Variants in CYSLTR2 observed in about 807,000 individuals in gnomAD.
The protein encoded by CYSLTR2 is cysteinyl leukotriene receptor 2.
For synonymous variants in CYSLTR2, 179 were observed against 160.8 expected (o/e 1.11, Z -0.86); for missense variants, 398 against 411.9 (o/e 0.97, Z 0.29).
chr13:48,703,143 C>G (rs1220526222), intron 4 of CYSLTR2, among the ~76,000 whole-genome samples: 3 of 152,092 alleles, frequency 2.0e-5, no homozygotes, highest in Admixed American at 6.5e-5. Flanking sequence ...TATTCTGCCA[C>G]TTTGTTAAAT....
intron 1 of CYSLTR2, among the ~76,000 whole-genome samples, chr13:48,685,138 G>A (rs528973593): frequency 2.1e-3 from 327 of 152,306 alleles, no homozygotes; most frequent in African/African-American, 7.7e-3. Context: ...AAGCATGGCG[G>A]CATCTGCTTC....
chr13:48,699,562 G>A (rs1241867769), intron 4 of CYSLTR2, among the ~76,000 whole-genome samples: 3 of 151,988 alleles, frequency 2.0e-5, no homozygotes, highest in Non-Finnish European at 4.4e-5. Context: ...CACAAGAGAA[G>A]GCAGGAAAGA....
At chr13:48,697,319 G>A (rs1387555371) in intron 4 of CYSLTR2, among the ~76,000 whole-genome samples, 2 of 152,272 alleles carry the variant, frequency 1.3e-5, no homozygotes, top group South Asian at 2.1e-4. Context: ...AGCTTCCAGA[G>A]GAAGGATCAG....
intron 4 of CYSLTR2, among the ~76,000 whole-genome samples, chr13:48,702,208 A>C (rs546400410): frequency 1.4e-5 from 2 of 143,566 alleles, no homozygotes; most frequent in African/African-American, 5.2e-5. Flanking sequence ...GGAATTGAAC[A>C]ATGAGAACAC....
At chr13:48,680,589 A>G (rs1477299738) in intron 1 of CYSLTR2, among the ~76,000 whole-genome samples, 5 of 152,126 alleles carry the variant, frequency 3.3e-5, no homozygotes, top group African/African-American at 9.7e-5. Context: ...TTTGTTCTGA[A>G]TCCCCTTTCA....
At position 48,709,316 on chromosome 13, in the gene CYSLTR2, T is replaced by G. The variant is rs1594038575; in HGVS notation, c.*1458T>G. The G allele has an allele frequency of 1.2e-5, 2 of 167,050 alleles. No individual in the cohort carries two copies. Among genetic ancestry groups the G allele is most frequent in the African/African-American group, 4.8e-5 (2 of 41,442 alleles). 10.3% of individuals were successfully genotyped at this position (167,050 alleles called of 1,614,324 possible). On this transcript the variant is annotated 3_prime_UTR_variant, in exon 5 of 5. Transcript: ENST00000682523. ...AGTACAGTAAAGGGTGGAGGTGATA[T>G]GGCATTCTGAAAGTAGGGAGGGACT...
intron 1 of CYSLTR2, among the ~76,000 whole-genome samples, chr13:48,687,437 A>G (rs1329512845): frequency 6.6e-6 from 1 of 152,098 alleles, no homozygotes; most frequent in Non-Finnish European, 1.5e-5. Context: ...TGTATTATCT[A>G]TCGATTATCA....
chr13:48,685,098 A>C (rs1043083565), intron 1 of CYSLTR2, among the ~76,000 whole-genome samples: 1 of 152,178 alleles, frequency 6.6e-6, no homozygotes, highest in Non-Finnish European at 1.5e-5. Flanking sequence ...AAGAGGTTTA[A>C]TTGGCTCATG....
At chr13:48,678,217 A>T (rs1243489468) in intron 1 of CYSLTR2, among the ~76,000 whole-genome samples, 1 of 151,912 alleles carries the variant, frequency 6.6e-6, no homozygotes, top group Non-Finnish European at 1.5e-5. Flanking sequence ...CCATGTTGGC[A>T]AGGCTGGTCT....
At chr13:48,676,412 T>G (rs530044329) in intron 1 of CYSLTR2, among the ~76,000 whole-genome samples, 1 of 152,370 alleles carries the variant, frequency 6.6e-6, no homozygotes, top group African/African-American at 2.4e-5. Flanking sequence ...CTAGCAATGA[T>G]GTATAGATTT....
chr13:48,706,780 C>T, intron 4 of CYSLTR2, 37 bp from the exon 5 acceptor site: 1 of 1,526,810 alleles, frequency 6.5e-7, no homozygotes, highest in Non-Finnish European at 8.9e-7. Flanking sequence ...GGGAAATTCA[C>T]AAAGTAACTT....
chr13:48,667,929 G>A (rs1335615690), intron 1 of CYSLTR2, among the ~76,000 whole-genome samples: 1 of 152,198 alleles, frequency 6.6e-6, no homozygotes, highest in East Asian at 1.9e-4. Flanking sequence ...GTGAGGAGAA[G>A]AGGAAGCCTA....
chr13:48,707,350 C>T lies in CYSLTR2; in HGVS notation c.533C>T (p.Ser178Phe), dbSNP rs1194008543. The T allele has an allele frequency of 6.2e-7, 1 of 1,614,048 alleles. No individual in the cohort carries two copies. The highest frequency in any genetic ancestry group is 8.5e-7 in the Non-Finnish European group (1 of 1,180,040). ...ASSIMLLDSG[S>F]EQNGSVTSCL... ...TCAATAATGCTCCTGGACAGTGGCTCTGAGCAGAACGGCAGTGTCACATCA... is the reference window on the plus strand; with the variant it reads ...TCAATAATGCTCCTGGACAGTGGCTTTGAGCAGAACGGCAGTGTCACATCA... Residue 178 changes from serine to phenylalanine, a missense_variant, in exon 5 of 5, where the codon TCT (serine) becomes TTT (phenylalanine). Transcript: ENST00000682523.
In CYSLTR2 at chr13:48,691,272, A is replaced by T. The variant is rs988506465; in HGVS notation, c.-205A>T. On this transcript the variant is annotated 5_prime_UTR_variant, in exon 2 of 5. The change abolishes an upstream ATG in the 5' untranslated region. Transcript: ENST00000682523. ...ATCCAAGGGAGTCTATAGAAGGTCC[A>T]TGCAAGGTATGGAGAGTTCCTCAAC... The T allele has an allele frequency of 2.6e-5, 4 of 152,088 alleles. No homozygotes were observed. Among genetic ancestry groups the T allele is most frequent in the African/African-American group, 7.2e-5 (3 of 41,450 alleles). 9.4% of individuals were successfully genotyped at this position (152,088 alleles called of 1,614,324 possible).
chr13:48,686,012 CTT>C (rs1010030237), intron 1 of CYSLTR2, among the ~76,000 whole-genome samples: 4 of 152,132 alleles, frequency 2.6e-5, no homozygotes, highest in African/African-American at 9.7e-5. Context: ...ACCAAGAAAA[CTT>C]TTCTTTTACA....
intron 1 of CYSLTR2, among the ~76,000 whole-genome samples, chr13:48,664,626 G>T (rs750987687): frequency 6.6e-6 from 1 of 151,854 alleles, no homozygotes. Context: ...GTTCATGGTA[G>T]TATGGTAGTC....
intron 1 of CYSLTR2, among the ~76,000 whole-genome samples, chr13:48,656,935 A>G (rs1381285594): frequency 6.6e-6 from 1 of 152,008 alleles, no homozygotes; most frequent in South Asian, 2.1e-4. Context: ...CATGTCAGAA[A>G]CCCCTAGCAC....
chr13:48,707,979 C>T lies in CYSLTR2; in HGVS notation c.*121C>T. 1.1e-6 allele frequency: 1 copy of T among 871,454 alleles called. No individual in the cohort carries two copies. The highest frequency in any genetic ancestry group is 1.6e-6 in the Non-Finnish European group (1 of 612,002). 54.0% of individuals were successfully genotyped at this position (871,454 alleles called of 1,614,324 possible). On this transcript the variant is annotated 3_prime_UTR_variant, in exon 5 of 5. Transcript: ENST00000682523. The stretch of plus-strand genomic sequence containing the variant: ...ATGTTGATTCTTAATATTTAGTTGA[C>T]CATTACTTTTGTTAATAAGACCTAC...
intron 1 of CYSLTR2, among the ~76,000 whole-genome samples, chr13:48,690,469 G>A (rs955667752): frequency 6.6e-6 from 1 of 152,118 alleles, no homozygotes; most frequent in African/African-American, 2.4e-5. Flanking sequence ...ATAAAGGGGT[G>A]TTGAATTATA....
Sources: allele counts gnomAD v4.1 joint callset (sites outside exome capture counted in the v4.1 genomes callset), GRCh38; gene constraint gnomAD v4.1.1; transcripts MANE v1.5; gene names NCBI Gene and HGNC (gene_info 2026-07-23, HGNC 2026-07-21).